Variants in TTC29 observed in about 807,000 individuals in gnomAD.
TTC29 encodes the protein tetratricopeptide repeat domain 29.
A neutral mutation model predicts 58.1 loss-of-function variants in TTC29; 49 were observed. That is an observed-to-expected ratio of 0.84 (90% CI 0.67 to 1.07). TTC29 has a LOEUF of 1.07. Ranked by LOEUF, TTC29 falls within the 50% of genes least tolerant of loss-of-function variation. The pLI, the probability that TTC29 is intolerant of heterozygous loss-of-function variation, is 0.00. For synonymous variants in TTC29, 209 were observed against 196.8 expected, an observed-to-expected ratio of 1.06 and a Z score of -0.52; for missense variants, 582 against 555.6, an observed-to-expected ratio of 1.05 and a Z score of -0.48.
At chr4:146,859,466 C>G (rs1013469783) in intron 8 of TTC29, among the ~76,000 whole-genome samples, 4 of 151,970 alleles carry the variant, frequency 2.6e-5, no homozygotes, top group African/African-American at 9.7e-5. Context: ...ATGATTAATG[C>G]AAGTGTATTT....
At chr4:146,758,927 A>T (rs1424203351) in intron 11 of TTC29, among the ~76,000 whole-genome samples, 1 of 152,132 alleles carries the variant, frequency 6.6e-6, no homozygotes, top group Non-Finnish European at 1.5e-5. Flanking sequence ...TCACAACTCA[A>T]GGAACTAGAG....
intron 6 of TTC29, among the ~76,000 whole-genome samples, chr4:146,884,681 A>G (rs1164845299): frequency 2.0e-5 from 3 of 152,092 alleles, no homozygotes; most frequent in Non-Finnish European, 4.4e-5. Flanking sequence ...AATGCTCCCA[A>G]GGAACTTGCT....
chr4:146,797,832 T>TTATATATATATATATATATATATATA (rs70958528), intron 11 of TTC29, among the ~76,000 whole-genome samples: 11 of 130,054 alleles, frequency 8.5e-5, no homozygotes, highest in South Asian at 2.6e-4. Context: ...TTACTTTGTT[T>TTATATATATATATATATATATATATA]TATATATATA....
intron 4 of TTC29, among the ~76,000 whole-genome samples, chr4:146,930,571 A>G (rs969479867): frequency 6.6e-6 from 1 of 152,214 alleles, no homozygotes; most frequent in African/African-American, 2.4e-5. Flanking sequence ...ATACGGGTAT[A>G]GGCCAGGGAG....
At chr4:146,745,505 G>A (rs1745475859) in intron 11 of TTC29, among the ~76,000 whole-genome samples, 1 of 152,204 alleles carries the variant, frequency 6.6e-6, no homozygotes, top group South Asian at 2.1e-4. Flanking sequence ...GAGGAATAAA[G>A]AATGCAGTTT....
At chr4:146,923,179 C>A (rs2150307193) in intron 4 of TTC29, among the ~76,000 whole-genome samples, 2 of 151,896 alleles carry the variant, frequency 1.3e-5, no homozygotes, top group East Asian at 3.9e-4. Flanking sequence ...TAGGTCCTTG[C>A]ATTATCTGAA....
At chr4:146,798,549 A>G (rs1422451711) in intron 11 of TTC29, among the ~76,000 whole-genome samples, 1 of 152,142 alleles carries the variant, frequency 6.6e-6, no homozygotes, top group Non-Finnish European at 1.5e-5. Flanking sequence ...GAGAAAAACA[A>G]CAAATAAAAT....
chr4:146,807,577 A>C (rs1376293234), intron 10 of TTC29, among the ~76,000 whole-genome samples: 4 of 152,216 alleles, frequency 2.6e-5, no homozygotes, highest in Non-Finnish European at 5.9e-5. Context: ...GATCTCACAG[A>C]AATACAAACT....
At chr4:146,906,204 A>C (rs983243644) in intron 5 of TTC29, among the ~76,000 whole-genome samples, 13 of 152,192 alleles carry the variant, frequency 8.5e-5, no homozygotes, top group Non-Finnish European at 1.6e-4. Flanking sequence ...ACTTTAACAA[A>C]TGGAAAATAA....
At chr4:146,834,693 A>C (rs1465148698) in intron 8 of TTC29, among the ~76,000 whole-genome samples, 1 of 152,184 alleles carries the variant, frequency 6.6e-6, no homozygotes, top group Non-Finnish European at 1.5e-5. Flanking sequence ...CTAAGAAAGA[A>C]TTAGCAAAAG....
chr4:146,792,628 TAAG>T (rs1395658762), intron 11 of TTC29, among the ~76,000 whole-genome samples: 3 of 152,210 alleles, frequency 2.0e-5, no homozygotes, highest in African/African-American at 7.2e-5. Flanking sequence ...CATGGATCAA[TAAG>T]AAGTTTTGAC....
intron 11 of TTC29, among the ~76,000 whole-genome samples, chr4:146,760,760 ATATATATATGATGGAATAC>A (rs200785009): frequency 0.012 from 1,706 of 145,088 alleles, 27 homozygotes; most frequent in East Asian, 0.034. Context: ...ATGTGTATAT[ATATATATATGATGGAATAC>A]TATATATATA....
intron 11 of TTC29, among the ~76,000 whole-genome samples, chr4:146,772,738 G>A (rs181438146): frequency 7.1e-4 from 108 of 151,996 alleles, no homozygotes; most frequent in Non-Finnish European, 1.3e-3. Flanking sequence ...TTTTTAAATA[G>A]TTGGTTTTTT....
intron 10 of TTC29, among the ~76,000 whole-genome samples, chr4:146,817,490 G>C (rs1411241230): frequency 1.3e-5 from 2 of 152,122 alleles, no homozygotes; most frequent in Non-Finnish European, 2.9e-5. Flanking sequence ...TCAATATTGT[G>C]AAAATGGCCA....
intron 9 of TTC29, among the ~76,000 whole-genome samples, chr4:146,828,653 T>G (rs1444841435): frequency 6.6e-6 from 1 of 152,064 alleles, no homozygotes; most frequent in Non-Finnish European, 1.5e-5. Context: ...AAAACTAAGT[T>G]TAGAGTATGA....
intron 8 of TTC29, among the ~76,000 whole-genome samples, chr4:146,846,391 AT>A (rs1729172478): frequency 6.6e-6 from 1 of 152,204 alleles, no homozygotes; most frequent in African/African-American, 2.4e-5. Context: ...CCACGTTACA[AT>A]AGTCCTGGTA....
At chr4:146,924,214 T>G (rs1163407158) in intron 4 of TTC29, among the ~76,000 whole-genome samples, 1 of 151,874 alleles carries the variant, frequency 6.6e-6, no homozygotes, top group Non-Finnish European at 1.5e-5. Flanking sequence ...TGTGATAGGT[T>G]TATATTAACA....
In TTC29 at chr4:146,728,838, C is replaced by CAT. The variant is rs1466068204; in HGVS notation, c.1331-21289_1331-21288dup. 3.4e-4 allele frequency among the ~76,000 whole-genome samples: 30 copies of CAT among 89,250 alleles called. 3 individuals are homozygous for CAT. The highest frequency in any genetic ancestry group is 7.9e-4 in the African/African-American group (19 of 23,916). The allele number at this position is 89,250 out of a possible 152,430, so 58.6% of individuals were successfully genotyped here. ...ATGTGTATATATACATATATATACACATATATATGTATATATATACACATA... is the reference window on the plus strand; with the variant it reads ...ATGTGTATATATACATATATATACACATATATATATGTATATATATACACATA... On this transcript the variant is annotated intron_variant, in intron 11 of 12. Transcript: ENST00000325106.
chr4:146,731,797 G>A (rs1744353820), intron 11 of TTC29, among the ~76,000 whole-genome samples: 1 of 152,178 alleles, frequency 6.6e-6, no homozygotes, highest in Non-Finnish European at 1.5e-5. Context: ...AGCAAGAGCA[G>A]GAAATGCTGA....
Sources: gnomAD v4.1 joint callset for allele counts (sites outside exome capture counted in the v4.1 genomes callset) on GRCh38, gnomAD v4.1.1 for gene constraint, MANE v1.5 for transcripts, NCBI Gene and HGNC (gene_info 2026-07-23, HGNC 2026-07-21) for gene names.